The following TYRP1 variants were observed in gnomAD, a reference collection of about 807,000 sequenced individuals.
The protein encoded by TYRP1 is 5,6-dihydroxyindole-2-carboxylic acid oxidase.
A neutral mutation model predicts 42.8 loss-of-function variants in TYRP1; 49 were observed. That is an observed-to-expected ratio of 1.14 (90% CI 0.91 to 1.45). The LOEUF is 1.45. Ranked by LOEUF, TYRP1 falls within the 40% of genes most tolerant of loss-of-function variation. The pLI, the probability that TYRP1 is intolerant of heterozygous loss-of-function variation, is 0.00. For missense variants in TYRP1, 848 were observed against 662.0 expected (o/e 1.28, Z -3.08); for synonymous variants, 279 against 235.4 (o/e 1.19, Z -1.69).
Position 12,695,760 on chromosome 9 carries a change from G to C in TYRP1, c.631G>C (p.Val211Leu), listed in dbSNP as rs369939207. 39 of 1,614,028 alleles carry C rather than the reference G, an allele frequency of 2.4e-5. No homozygotes were observed. Among genetic ancestry groups the C allele is most frequent in the Non-Finnish European group, 3.1e-5 (37 of 1,180,024 alleles). ...LGVGQESFGE[V>L]DFSHEGPAFL... is the part of the protein sequence containing the mutation. ...GGTAGGACAGGAAAGCTTTGGTGAA[G>C]TGGATTTCTCTCATGAGGGACCAGC... Residue 211 changes from valine to leucine, a missense_variant, in exon 3 of 8, where the codon GTG becomes CTG. Val to Leu is a conservative substitution (Grantham distance 32, BLOSUM62 1). Coordinates refer to ENST00000388918, the MANE Select transcript of TYRP1 (RefSeq NM_000550.3).
At chr9:12,698,682 C>A (rs955591739) in intron 4 of TYRP1, 27 bp downstream of exon 4, 3 of 1,599,552 alleles carry the variant, frequency 1.9e-6, no homozygotes, top group Non-Finnish European at 2.6e-6. Flanking sequence ...AGCTTGGAGT[C>A]AGAATTTCTT....
At position 12,709,110 on chromosome 9, in the gene TYRP1, C is replaced by A; in HGVS notation, c.1542C>A (p.Leu514=). Residue 514 remains leucine, a synonymous_variant, in exon 8 of 8, where the codon CTC becomes CTA. Coordinates refer to ENST00000388918, the MANE Select transcript of TYRP1 (RefSeq NM_000550.3). ...RRSMDEANQP[L]LTDQYQCYAE... ...GTATGGATGAAGCTAACCAGCCTCT[C>A]CTCACTGATCAGTATCAATGCTATG... The A allele has an allele frequency of 6.2e-7, 1 of 1,612,766 alleles. No homozygotes were observed. The highest frequency in any genetic ancestry group is 8.5e-7 in the Non-Finnish European group (1 of 1,179,178).
rs1818327924 is a variant in TYRP1, at chr9:12,709,744, A to AACAT, written c.*564_*567dup. On this transcript the variant is annotated 3_prime_UTR_variant, in exon 8 of 8. Coordinates refer to ENST00000388918, the MANE Select transcript of TYRP1 (RefSeq NM_000550.3). Reference sequence around the variant, plus strand: ...GACCAATCAAATATATTATTTAGTCAACATATACTATTTAGTCTCAGGTTC... The same window carrying AACAT: ...GACCAATCAAATATATTATTTAGTCAACATACATATACTATTTAGTCTCAGGTTC... The AACAT allele has an allele frequency of 6.4e-6, 1 of 156,982 alleles. No individual in the cohort carries two copies. Among genetic ancestry groups the AACAT allele is most frequent in the Admixed American group, 6.2e-5 (1 of 16,226 alleles). 9.7% of individuals were successfully genotyped at this position (156,982 alleles called of 1,614,324 possible).
intron 5 of TYRP1, among the ~76,000 whole-genome samples, chr9:12,702,716 A>C (rs1818192031): frequency 6.6e-6 from 1 of 152,034 alleles, no homozygotes; most frequent in Non-Finnish European, 1.5e-5. Flanking sequence ...TCTGGTAGCT[A>C]GCTGGCCAAT....
Position 12,695,624 on chromosome 9 carries a change from A to G in TYRP1, c.495A>G (p.Arg165=). The stretch of plus-strand genomic sequence containing the variant: ...CTTTATTTGTCATTGCCACCAGGAG[A>G]TCAGAAGAAATACTGGGGCCAGATG... ...THPLFVIATR[R]SEEILGPDGN... Residue 165 remains arginine (R), a synonymous_variant, in exon 3 of 8, where the codon AGA becomes AGG. Coordinates refer to ENST00000388918, the MANE Select transcript of TYRP1 (RefSeq NM_000550.3). 3.7e-6 allele frequency: 6 copies of G among 1,614,166 alleles called. No individual in the cohort carries two copies. The highest frequency in any genetic ancestry group is 5.1e-6 in the Non-Finnish European group (6 of 1,180,026).
intron 6 of TYRP1, 132 bp from the exon 7 acceptor site, chr9:12,707,865 C>A: frequency 1.2e-6 from 1 of 842,392 alleles, no homozygotes. Context: ...AACTTCATAT[C>A]TTTATTCAGT....
chr9:12,694,400 G>C lies in TYRP1; in HGVS notation c.385+19G>C. On this transcript the variant is annotated intron_variant, in intron 2 of 7. Coordinates refer to ENST00000388918, the MANE Select transcript of TYRP1 (RefSeq NM_000550.3). ...CTCATAGGTAAGTGGAGATATGAAT[G>C]AGTTCATAAGTCCTGCATGAGACTC... 1.2e-6 allele frequency: 2 copies of C among 1,612,724 alleles called. No homozygotes were observed. Among genetic ancestry groups the C allele is most frequent in the Non-Finnish European group, 1.7e-6 (2 of 1,179,268 alleles).
chr9:12,702,167 G>GA (rs1215992706), intron 4 of TYRP1, 104 bp from the exon 5 acceptor site: 1 of 1,255,450 alleles, frequency 8.0e-7, no homozygotes, highest in African/African-American at 1.5e-5. Flanking sequence ...TTCTACCAAG[G>GA]AAAACCTATA....
Position 12,706,783 on chromosome 9 carries a change from T to A in TYRP1, c.1262-1214T>A, listed in dbSNP as rs182782573. Among the ~76,000 whole-genome samples, 958 of 152,094 alleles carry A rather than the reference T, an allele frequency of 6.3e-3. 31 individuals are homozygous for A. In the South Asian group the frequency reaches 0.085, roughly 14 times the overall value. On this transcript the variant is annotated intron_variant, in intron 6 of 7. Coordinates refer to ENST00000388918, the MANE Select transcript of TYRP1 (RefSeq NM_000550.3). ...AGAAAAATTAGAAAGATTAAAAAAA[T>A]TTATAAAACTGTCTGTAAAGCAAGA...
intron 2 of TYRP1, among the ~76,000 whole-genome samples, chr9:12,695,184 T>A (rs1409719102): frequency 6.6e-6 from 1 of 152,082 alleles, no homozygotes; most frequent in Non-Finnish European, 1.5e-5. Flanking sequence ...AGATTTATAA[T>A]GTTAAAAAGA....
At chr9:12,708,660 C>T (rs1393266675) in intron 7 of TYRP1, among the ~76,000 whole-genome samples, 1 of 151,924 alleles carries the variant, frequency 6.6e-6, no homozygotes, top group African/African-American at 2.4e-5. Context: ...TGGAAAAGTA[C>T]AAGACTTATA....
At chr9:12,701,657 A>G (rs1010897146) in intron 4 of TYRP1, 1 of 151,906 alleles carries the variant, frequency 6.6e-6, no homozygotes, top group African/African-American at 2.4e-5. Context: ...CCCTCCCACC[A>G]TCTCTCTTCT....
chr9:12,696,162 A>G (rs1040594950), intron 3 of TYRP1, among the ~76,000 whole-genome samples: 4 of 152,162 alleles, frequency 2.6e-5, no homozygotes, highest in Non-Finnish European at 5.9e-5. Flanking sequence ...TCTCATTTGC[A>G]TGTCTTCCTT....
chr9:12,702,305 T>A lies in TYRP1; in HGVS notation c.948T>A (p.Ala316=), dbSNP rs754642924. The change falls in exon 5 of 8, where the codon GCT becomes GCA. Residue 316 remains alanine (A), a synonymous_variant. Coordinates refer to ENST00000388918, the MANE Select transcript of TYRP1 (RefSeq NM_000550.3). ...ATGGGCCAATTAGGAGAAATCCAGC[T>A]GGAAATGTGGCCAGACCAATGGTGC... ...TEDGPIRRNP[A]GNVARPMVQR... 6.2e-7 allele frequency: 1 copy of A among 1,613,194 alleles called. No homozygotes were observed. Among genetic ancestry groups the A allele is most frequent in the Non-Finnish European group, 8.5e-7 (1 of 1,179,468 alleles).
chr9:12,695,892 G>C, intron 3 of TYRP1, 55 bp downstream of exon 3: 1 of 1,572,406 alleles, frequency 6.4e-7, no homozygotes, highest in East Asian at 2.2e-5. Flanking sequence ...TGCCTTGTTT[G>C]TAAGTGATTT....
At chr9:12,701,882 CAT>C in intron 4 of TYRP1, 1 of 178,918 alleles carries the variant, frequency 5.6e-6, no homozygotes, top group Non-Finnish European at 1.2e-5. Context: ...CAAAATATCA[CAT>C]ATATGTGACA....
At chr9:12,708,873 G>A in intron 7 of TYRP1, 104 bp from the exon 8 acceptor site, 1 of 1,108,184 alleles carries the variant, frequency 9.0e-7, no homozygotes, top group Non-Finnish European at 1.3e-6. Flanking sequence ...AATTAAATAT[G>A]AGGATTTCTG....
chr9:12,708,757 T>C (rs192772751), intron 7 of TYRP1, among the ~76,000 whole-genome samples: 3 of 152,116 alleles, frequency 2.0e-5, no homozygotes, highest in Admixed American at 2.0e-4. Flanking sequence ...TGAGTCATCA[T>C]TCTCTCACTT....
rs1201887950 is a variant in TYRP1, at chr9:12,709,108, C to G, written c.1540C>G (p.Leu514Val). Residue 514 changes from leucine to valine, a missense_variant, in exon 8 of 8, where the codon CTC becomes GTC. Leu to Val is a conservative substitution (Grantham distance 32). Coordinates refer to ENST00000388918, the MANE Select transcript of TYRP1 (RefSeq NM_000550.3). ...RRSMDEANQPLLTDQYQCYAE... is the reference protein window; with the variant it reads ...RRSMDEANQPVLTDQYQCYAE... ...CAGTATGGATGAAGCTAACCAGCCT[C>G]TCCTCACTGATCAGTATCAATGCTA... 4 of 1,612,698 alleles carry G rather than the reference C, an allele frequency of 2.5e-6. No individual in the cohort carries two copies. Among genetic ancestry groups the G allele is most frequent in the Non-Finnish European group, 3.4e-6 (4 of 1,179,200 alleles).
Sources: allele counts gnomAD v4.1 joint callset (sites outside exome capture counted in the v4.1 genomes callset), GRCh38; gene constraint gnomAD v4.1.1; transcripts MANE v1.5; gene names NCBI Gene and HGNC (gene_info 2026-07-23, HGNC 2026-07-21).